The following MCPH1 variants were observed in gnomAD, a reference collection of about 807,000 sequenced individuals.
The protein encoded by MCPH1 is microcephalin.
Under a neutral mutation model 84.5 loss-of-function variants are expected in MCPH1, and 104 were observed. The ratio of observed to expected loss-of-function variants is 1.23; its 90% CI spans 1.05 to 1.45. MCPH1 has a LOEUF of 1.45. MCPH1 is among the 40% of genes most tolerant of loss of function. The probability of loss-of-function intolerance (pLI) is 0.00; values close to 1 mark genes in which losing one functional copy is unlikely to be tolerated. For synonymous variants in MCPH1, 514 were observed against 366.8 expected, an observed-to-expected ratio of 1.40 and a Z score of -4.58; for missense variants, 1,498 against 1,005.7, an observed-to-expected ratio of 1.49 and a Z score of -6.62.
At chr8:6,479,425 TTTATTTATTTA>T (rs1808904489) in intron 10 of MCPH1, among the ~76,000 whole-genome samples, 1 of 149,014 alleles carries the variant, frequency 6.7e-6, no homozygotes, top group Non-Finnish European at 1.5e-5. Context: ...TATTTATTTA[TTTATTTATTTA>T]TTTATTTATT....
At chr8:6,617,875 C>T (rs1830982546) in intron 12 of MCPH1, among the ~76,000 whole-genome samples, 1 of 136,352 alleles carries the variant, frequency 7.3e-6, no homozygotes, top group Non-Finnish European at 1.6e-5. Flanking sequence ...GTCTGTCTAT[C>T]ATCCATCTAT....
At chr8:6,513,968 G>C in intron 12 of MCPH1, 1 of 912,132 alleles carries the variant, frequency 1.1e-6, no homozygotes, top group Non-Finnish European at 1.6e-6. Flanking sequence ...CTGGTGCTGT[G>C]ACAATTTAGG....
At chr8:6,588,074 T>C (rs1828137696) in intron 12 of MCPH1, among the ~76,000 whole-genome samples, 1 of 152,064 alleles carries the variant, frequency 6.6e-6, no homozygotes, top group South Asian at 2.1e-4. Context: ...CAAGTGAGCG[T>C]ATATGGGGAG....
At chr8:6,505,426 GAA>G (rs1813321701) in intron 12 of MCPH1, among the ~76,000 whole-genome samples, 2 of 65,970 alleles carry the variant, frequency 3.0e-5, no homozygotes, top group African/African-American at 1.0e-4. Flanking sequence ...TATACATAAA[GAA>G]TATATATATT....
chr8:6,422,725 C>T (rs1800397448), intron 3 of MCPH1, among the ~76,000 whole-genome samples: 1 of 152,180 alleles, frequency 6.6e-6, no homozygotes, highest in African/African-American at 2.4e-5. Flanking sequence ...GTCTCACTCT[C>T]TTGCCCAAGC....
intron 12 of MCPH1, among the ~76,000 whole-genome samples, chr8:6,522,529 T>A (rs1817558560): frequency 6.6e-6 from 1 of 151,966 alleles, no homozygotes; most frequent in Non-Finnish European, 1.5e-5. Context: ...ATCCCAGCAC[T>A]TTGGAAGGCT....
intron 13 of MCPH1, among the ~76,000 whole-genome samples, chr8:6,627,790 C>T (rs562464016): frequency 6.6e-6 from 1 of 152,164 alleles, no homozygotes; most frequent in South Asian, 2.1e-4. Context: ...ACATGAGAGG[C>T]TAAGGTGGGA....
chr8:6,442,010 C>T (rs1803582833), intron 6 of MCPH1, 57 bp from the exon 7 acceptor site: 3 of 1,192,794 alleles, frequency 2.5e-6, no homozygotes, highest in East Asian at 2.3e-5. Flanking sequence ...CTGCTGGCTT[C>T]ATCTGCTAAG....
chr8:6,442,390 C>G (rs1027890352), intron 7 of MCPH1, among the ~76,000 whole-genome samples: 18 of 152,030 alleles, frequency 1.2e-4, no homozygotes, highest in Admixed American at 1.2e-3. Context: ...CTACAGAATC[C>G]ATTGCTCTAT....
intron 11 of MCPH1, among the ~76,000 whole-genome samples, chr8:6,482,388 C>T (rs546838296): frequency 3.3e-5 from 5 of 152,294 alleles, no homozygotes; most frequent in Middle Eastern, 3.4e-3. Context: ...TTTAGGCATC[C>T]CCCAGGGGGC....
chr8:6,563,415 A>G (rs1465789162), intron 12 of MCPH1: 1 of 154,522 alleles, frequency 6.5e-6, no homozygotes, highest in Non-Finnish European at 1.4e-5. Flanking sequence ...ACCAGGACCC[A>G]TGCTGCAGAA....
chr8:6,464,926 G>T (rs1160278644), intron 9 of MCPH1, among the ~76,000 whole-genome samples: 4 of 152,016 alleles, frequency 2.6e-5, no homozygotes, highest in Non-Finnish European at 5.9e-5. Context: ...TTGAACCCAG[G>T]AGGTAGAGGT....
At position 6,444,403 on chromosome 8, in the gene MCPH1, T is replaced by C. The variant is rs1481838162; in HGVS notation, c.681T>C (p.Phe227=). ...GTTAATGTTTTCCAGATGAATACTT[T>C]GCTGGTGGCTTACACTCATCTTTTG... is the stretch of plus-strand genomic sequence containing the variant. ...SRDTLCSDEY[F]AGGLHSSFDD... is the part of the protein sequence containing the mutation. Residue 227 remains phenylalanine (F), a synonymous_variant, in exon 8 of 14, where the codon TTT becomes TTC. Coordinates refer to ENST00000344683, the MANE Select transcript of MCPH1 (RefSeq NM_024596.5). 6 of 1,614,058 alleles carry C rather than the reference T, an allele frequency of 3.7e-6. No individual in the cohort carries two copies. The East Asian group carries it at 6.7e-5, about 18-fold the overall frequency.
At chr8:6,414,714 A>G (rs1799015616) in intron 2 of MCPH1, 51 bp from the exon 3 acceptor site, 2 of 1,600,668 alleles carry the variant, frequency 1.2e-6, no homozygotes, top group Non-Finnish European at 8.5e-7. Context: ...GTTGTAGTTA[A>G]GTTGTGAATG....
At chr8:6,406,784 C>G in intron 1 of MCPH1, 95 bp downstream of exon 1, 2 of 1,372,092 alleles carry the variant, frequency 1.5e-6, no homozygotes, top group Non-Finnish European at 2.1e-6. Flanking sequence ...GGGAGGAGCC[C>G]CGCTCGCCCC....
chr8:6,608,378 G>T (rs1829966636), intron 12 of MCPH1, among the ~76,000 whole-genome samples: 1 of 152,192 alleles, frequency 6.6e-6, no homozygotes, highest in African/African-American at 2.4e-5. Context: ...CCATCAAAAA[G>T]GAAGCTCATC....
intron 13 of MCPH1, among the ~76,000 whole-genome samples, chr8:6,638,669 G>A (rs1249760851): frequency 2.0e-5 from 3 of 151,914 alleles, no homozygotes; most frequent in Non-Finnish European, 4.4e-5. Context: ...GTCTCCACCG[G>A]CCAGGACTGG....
intron 12 of MCPH1, among the ~76,000 whole-genome samples, chr8:6,588,037 G>A (rs1828134600): frequency 6.6e-6 from 1 of 152,194 alleles, no homozygotes; most frequent in South Asian, 2.1e-4. Flanking sequence ...TCTTGGGGAG[G>A]TAGAAGTGAA....
chr8:6,599,050 G>A (rs1829158051), intron 12 of MCPH1, among the ~76,000 whole-genome samples: 1 of 152,160 alleles, frequency 6.6e-6, no homozygotes, highest in South Asian at 2.1e-4. Flanking sequence ...GCGAATACGG[G>A]GCTCTTAAAA....
Sources: gnomAD v4.1 joint callset for allele counts (sites outside exome capture counted in the v4.1 genomes callset) on GRCh38, gnomAD v4.1.1 for gene constraint, MANE v1.5 for transcripts, NCBI Gene and HGNC (gene_info 2026-07-23, HGNC 2026-07-21) for gene names.